The following ZNF695 variants were observed in gnomAD, a reference collection of about 807,000 sequenced individuals.
The protein encoded by ZNF695 is zinc finger protein 695.
In ZNF695, 11 loss-of-function variants were observed where a neutral mutation model predicts 11.2. The observed-to-expected ratio is 0.98, with a 90% CI of 0.62 to 1.62. ZNF695 has a LOEUF of 1.62. Among genes scored for constraint, ZNF695 ranks in the 40% most tolerant of loss-of-function variants. ZNF695 has a pLI of 0.00. For missense variants in ZNF695, 559 were observed against 590.5 expected (o/e 0.95, Z 0.55); for synonymous variants, 190 against 201.4 (o/e 0.94, Z 0.48).
At chr1:246,995,886 T>C (rs1558318978) in intron 3 of ZNF695, 2 of 284,258 alleles carry the variant, frequency 7.0e-6, no homozygotes, top group South Asian at 2.9e-5. Context: ...AGGCAGACAG[T>C]TAGGTCAATG....
chr1:246,958,745 T>C (rs367743165), intron 5 of ZNF695, among the ~76,000 whole-genome samples: 1 of 152,170 alleles, frequency 6.6e-6, no homozygotes, highest in African/African-American at 2.4e-5. Context: ...TGCGAGATAA[T>C]ACACGATGTA....
At chr1:246,984,087 G>T (rs1321499161), downstream of ZNF695, among the ~76,000 whole-genome samples, 2 of 142,534 alleles carry the variant, frequency 1.4e-5, no homozygotes, top group African/African-American at 5.1e-5. Context: ...GGGAGGCAGA[G>T]GTTGCAGTAA....
chr1:246,970,901 G>C (rs1668407065), intron 4 of ZNF695, among the ~76,000 whole-genome samples: 1 of 152,202 alleles, frequency 6.6e-6, no homozygotes, highest in African/African-American at 2.4e-5. Flanking sequence ...CGAGTAGCTG[G>C]GATTACAGGC....
At chr1:246,996,470 GGAAATCT>G (rs1259507634) in intron 3 of ZNF695, among the ~76,000 whole-genome samples, 1 of 152,138 alleles carries the variant, frequency 6.6e-6, no homozygotes, top group East Asian at 1.9e-4. Flanking sequence ...TTACAAAGCA[GGAAATCT>G]GGTAAAATCT....
intron 5 of ZNF695, among the ~76,000 whole-genome samples, chr1:246,951,281 G>A (rs1393984337): frequency 6.6e-6 from 1 of 152,146 alleles, no homozygotes; most frequent in African/African-American, 2.4e-5. Context: ...TTCGGAAATA[G>A]AGGCACTGCA....
intron 5 of ZNF695, among the ~76,000 whole-genome samples, chr1:246,957,755 TC>T (rs1247540969): frequency 1.3e-5 from 2 of 151,874 alleles, no homozygotes; most frequent in East Asian, 3.9e-4. Context: ...TACATTAGCC[TC>T]CCCAGTAGCT....
intron 5 of ZNF695, among the ~76,000 whole-genome samples, chr1:246,947,183 T>G (rs1488487717): frequency 1.6e-5 from 2 of 125,466 alleles, no homozygotes; most frequent in Non-Finnish European, 3.3e-5. Context: ...GTGATAGGGT[T>G]TTTTATTTTT....
intron 1 of ZNF695, among the ~76,000 whole-genome samples, chr1:247,001,646 G>C (rs1468442613): frequency 2.7e-5 from 4 of 146,654 alleles, no homozygotes. Context: ...CCAGGAGGCT[G>C]AGGTTGCAGT....
intron 1 of ZNF695, among the ~76,000 whole-genome samples, chr1:247,007,639 G>C (rs1038937502): frequency 1.3e-5 from 2 of 152,128 alleles, no homozygotes; most frequent in African/African-American, 4.8e-5. Context: ...CGCTGCGGGC[G>C]CGGGGCTGCC....
chr1:246,952,465 T>C (rs2102999086), intron 5 of ZNF695, among the ~76,000 whole-genome samples: 1 of 152,310 alleles, frequency 6.6e-6, no homozygotes, highest in East Asian at 1.9e-4. Context: ...TGTTCACAGT[T>C]CATATCTCCA....
At chr1:246,949,341 C>T (rs999891812) in intron 5 of ZNF695, among the ~76,000 whole-genome samples, 3 of 152,064 alleles carry the variant, frequency 2.0e-5, no homozygotes, top group African/African-American at 4.8e-5. Context: ...TTGTAACCCC[C>T]ACACTTTGGG....
chr1:246,999,800 T>C, intron 2 of ZNF695, 112 bp downstream of exon 2: 2 of 1,135,286 alleles, frequency 1.8e-6, no homozygotes, highest in Non-Finnish European at 2.5e-6. Flanking sequence ...AGTTTTGTTT[T>C]CTACACCAAG....
At chr1:246,972,174 C>A (rs1668444859) in intron 4 of ZNF695, among the ~76,000 whole-genome samples, 1 of 152,342 alleles carries the variant, frequency 6.6e-6, no homozygotes, top group African/African-American at 2.4e-5. Flanking sequence ...CCACTGACTG[C>A]CGACTGAAGG....
At chr1:247,000,140 G>A (rs1030124147) in intron 1 of ZNF695, 66 bp from the exon 2 acceptor site, 9 of 1,411,424 alleles carry the variant, frequency 6.4e-6, no homozygotes, top group African/African-American at 5.8e-5. Context: ...CAGGCAAGGA[G>A]AGACAGTGAA....
intron 1 of ZNF695, among the ~76,000 whole-genome samples, chr1:247,000,616 C>T (rs1669335880): frequency 6.6e-6 from 1 of 152,158 alleles, no homozygotes; most frequent in Admixed American, 6.6e-5. Context: ...AGGTAGTCTA[C>T]TTTTGTGCAT....
In ZNF695 at chr1:246,985,393, A is replaced by G; in HGVS notation, c.*1574T>C. On this transcript the variant is annotated 3_prime_UTR_variant, in exon 4 of 4. Transcript: ENST00000339986. ...CACTGTCATTACAAAAAGAGCAAAC[A>G]GAATGAAGGTGTAACGTGTGGGAAC... 1 of 985,398 alleles carries G rather than the reference A, an allele frequency of 1.0e-6. No individual in the cohort carries two copies. Among genetic ancestry groups the G allele is most frequent in the Non-Finnish European group, 1.2e-6 (1 of 829,898 alleles). 61.0% of individuals were successfully genotyped at this position (985,398 alleles called of 1,614,324 possible).
At chr1:246,958,418 C>T (rs1167133672) in intron 5 of ZNF695, among the ~76,000 whole-genome samples, 1 of 152,086 alleles carries the variant, frequency 6.6e-6, no homozygotes, top group African/African-American at 2.4e-5. Context: ...AAATATGTGA[C>T]TTTGAAGGCT....
intron 2 of ZNF695, 126 bp downstream of exon 2, chr1:246,999,786 T>C (rs1016008642): frequency 1.1e-6 from 1 of 944,272 alleles, no homozygotes. Flanking sequence ...CAAAACATCT[T>C]GAAAGTTTTG....
downstream of ZNF695, among the ~76,000 whole-genome samples, chr1:246,984,693 TAAC>T (rs1478123942): frequency 6.6e-6 from 1 of 152,096 alleles, no homozygotes; most frequent in African/African-American, 2.4e-5. Flanking sequence ...AAAGAAACAA[TAAC>T]AAAAAAAGTT....
Sources: gnomAD v4.1 joint callset for allele counts (sites outside exome capture counted in the v4.1 genomes callset) on GRCh38, gnomAD v4.1.1 for gene constraint, MANE v1.5 for transcripts, NCBI Gene and HGNC (gene_info 2026-07-23, HGNC 2026-07-21) for gene names.